MKLN1: variants seen among roughly 807,000 people sequenced by gnomAD.
The protein encoded by MKLN1 is muskelin.
A neutral mutation model predicts 99.0 loss-of-function variants in MKLN1; 18 were observed. That is an observed-to-expected ratio of 0.18 (90% CI 0.13 to 0.27). MKLN1 has a LOEUF of 0.27. Among genes scored for constraint, MKLN1 ranks in the 10% least tolerant of loss-of-function variants. MKLN1 has a pLI of 1.00. For synonymous variants in MKLN1, 288 were observed against 293.2 expected (o/e 0.98, Z 0.18); for missense variants, 621 against 875.9 (o/e 0.71, Z 3.67).
chr7:131,133,440 C>G (rs1173398731), intron 1 of MKLN1, among the ~76,000 whole-genome samples: 1 of 146,868 alleles, frequency 6.8e-6, no homozygotes, highest in African/African-American at 2.5e-5. Flanking sequence ...CTGCAACCTC[C>G]GCTCCCAGGT....
intron 16 of MKLN1, 21 bp from the exon 17 acceptor site, chr7:131,478,595 CTTTTTTT>C (rs3080645): frequency 1.9e-5 from 24 of 1,238,448 alleles, no homozygotes; most frequent in Middle Eastern, 2.7e-4. Context: ...TTTGCTGCTT[CTTTTTTT>C]TTTTTTTTTT....
At chr7:131,386,878 C>T (rs1003501944) in intron 2 of MKLN1, among the ~76,000 whole-genome samples, 1 of 151,948 alleles carries the variant, frequency 6.6e-6, no homozygotes, top group Non-Finnish European at 1.5e-5. Context: ...TTTTTTTCCT[C>T]CCTTCACCTA....
At chr7:131,425,593 A>G (rs1795335317) in intron 8 of MKLN1, among the ~76,000 whole-genome samples, 1 of 152,230 alleles carries the variant, frequency 6.6e-6, no homozygotes, top group Admixed American at 6.5e-5. Context: ...GTACTCAAAA[A>G]GTGTTGAATA....
At chr7:131,275,567 A>ATATATTTT (rs1336398554) in intron 3 of MKLN1, among the ~76,000 whole-genome samples, 2 of 5,610 alleles carry the variant, frequency 3.6e-4, no homozygotes, top group African/African-American at 8.1e-4. Flanking sequence ...ATATATATAT[A>ATATATTTT]TTTTTTTTTT....
chr7:131,370,332 C>G (rs756530412), intron 1 of MKLN1, among the ~76,000 whole-genome samples: 2 of 149,942 alleles, frequency 1.3e-5, no homozygotes, highest in African/African-American at 4.9e-5. Flanking sequence ...TTTTCCTATT[C>G]CAGTCCTTTC....
At chr7:131,149,625 T>C (rs1490958967) in intron 2 of MKLN1, among the ~76,000 whole-genome samples, 1 of 152,236 alleles carries the variant, frequency 6.6e-6, no homozygotes, top group African/African-American at 2.4e-5. Context: ...AACCTGAAGG[T>C]AAATTACTTT....
At chr7:131,123,362 A>G (rs1346011067) in intron 1 of MKLN1, among the ~76,000 whole-genome samples, 1 of 152,250 alleles carries the variant, frequency 6.6e-6, no homozygotes, top group Non-Finnish European at 1.5e-5. Context: ...GCAGCCACAG[A>G]CAAAATTTAA....
chr7:131,444,573 G>T (rs1000135232), intron 11 of MKLN1, among the ~76,000 whole-genome samples: 1 of 151,746 alleles, frequency 6.6e-6, no homozygotes, highest in African/African-American at 2.4e-5. Context: ...CTTCTATTTT[G>T]TAACTTTATA....
At chr7:131,184,239 C>A (rs1156853387) in intron 2 of MKLN1, among the ~76,000 whole-genome samples, 1 of 152,184 alleles carries the variant, frequency 6.6e-6, no homozygotes, top group Non-Finnish European at 1.5e-5. Context: ...ATCCTCCCAA[C>A]TCCGCCTCCC....
At chr7:131,121,815 G>C (rs1795377193) in intron 1 of MKLN1, among the ~76,000 whole-genome samples, 1 of 152,206 alleles carries the variant, frequency 6.6e-6, no homozygotes, top group East Asian at 1.9e-4. Flanking sequence ...GCTGGAACTG[G>C]GTTTATAAAT....
At chr7:131,307,146 C>G (rs1434333863) in intron 3 of MKLN1, among the ~76,000 whole-genome samples, 2 of 152,036 alleles carry the variant, frequency 1.3e-5, no homozygotes, top group Non-Finnish European at 2.9e-5. Flanking sequence ...GTGTGCTGCC[C>G]CATATCTTGG....
At chr7:131,264,924 C>T (rs964387459) in intron 3 of MKLN1, among the ~76,000 whole-genome samples, 1 of 152,084 alleles carries the variant, frequency 6.6e-6, no homozygotes, top group Non-Finnish European at 1.5e-5. Flanking sequence ...CTGCAACCTC[C>T]GTCTCCCGGG....
intron 2 of MKLN1, among the ~76,000 whole-genome samples, chr7:131,198,448 C>T (rs1337499900): frequency 6.6e-6 from 1 of 152,098 alleles, no homozygotes; most frequent in African/African-American, 2.4e-5. Context: ...GGTATTCCTT[C>T]GGAATGCTTT....
intron 11 of MKLN1, among the ~76,000 whole-genome samples, chr7:131,445,033 C>CT (rs1426459147): frequency 2.0e-5 from 3 of 151,840 alleles, no homozygotes; most frequent in African/African-American, 7.3e-5. Context: ...GTAAAGAAAA[C>CT]TAACAACAGA....
At chr7:131,335,165 C>T (rs1799215727) in intron 1 of MKLN1, among the ~76,000 whole-genome samples, 1 of 152,084 alleles carries the variant, frequency 6.6e-6, no homozygotes, top group Admixed American at 6.5e-5. Flanking sequence ...AACATCTTTG[C>T]ACATTGGGAA....
chr7:131,225,096 A>G (rs1230608087), intron 3 of MKLN1, among the ~76,000 whole-genome samples: 4 of 151,504 alleles, frequency 2.6e-5, no homozygotes, highest in African/African-American at 4.8e-5. Flanking sequence ...AAGAAATACT[A>G]GAGATTTGGG....
At chr7:131,258,783 T>C (rs1193035222) in intron 3 of MKLN1, among the ~76,000 whole-genome samples, 1 of 152,178 alleles carries the variant, frequency 6.6e-6, no homozygotes, top group Non-Finnish European at 1.5e-5. Context: ...TATCTATTCA[T>C]GAAAAAGAGT....
intron 3 of MKLN1, among the ~76,000 whole-genome samples, chr7:131,271,108 G>A (rs1797877219): frequency 6.6e-6 from 1 of 152,160 alleles, no homozygotes; most frequent in Admixed American, 6.6e-5. Context: ...GAGGAGACTA[G>A]CATGTAAACT....
At chr7:131,462,894 G>A (rs1796557582) in intron 12 of MKLN1, among the ~76,000 whole-genome samples, 1 of 152,134 alleles carries the variant, frequency 6.6e-6, no homozygotes. Flanking sequence ...AGATGAGGCA[G>A]GAATATTGCT....
Sources: allele counts gnomAD v4.1 joint callset (sites outside exome capture counted in the v4.1 genomes callset), GRCh38; gene constraint gnomAD v4.1.1; transcripts MANE v1.5; gene names NCBI Gene and HGNC (gene_info 2026-07-23, HGNC 2026-07-21).